Variants in SYT9 observed in about 807,000 individuals in gnomAD.
The protein encoded by SYT9 is synaptotagmin-9.
A neutral mutation model predicts 48.4 loss-of-function variants in SYT9; 22 were observed. The observed-to-expected ratio is 0.45, with a 90% CI of 0.32 to 0.65. The LOEUF is 0.65. Ranked by LOEUF, SYT9 falls within the 30% of genes least tolerant of loss-of-function variation. The pLI, the probability that SYT9 is intolerant of heterozygous loss-of-function variation, is 0.03. For synonymous variants in SYT9, 265 were observed against 245.0 expected (o/e 1.08, Z -0.76); for missense variants, 577 against 622.0 (o/e 0.93, Z 0.77).
chr11:7,342,316 G>A (rs886422941), intron 3 of SYT9, among the ~76,000 whole-genome samples: 4 of 152,118 alleles, frequency 2.6e-5, no homozygotes, highest in African/African-American at 7.2e-5. Context: ...TTCCACCTAT[G>A]AGCCTGTAAA....
At chr11:7,419,903 A>G (rs1164745089) in intron 5 of SYT9, among the ~76,000 whole-genome samples, 1 of 152,218 alleles carries the variant, frequency 6.6e-6, no homozygotes, top group Non-Finnish European at 1.5e-5. Flanking sequence ...TTCAAAAAAA[A>G]AGAAATATTA....
chr11:7,429,683 G>A (rs538226316), intron 6 of SYT9, among the ~76,000 whole-genome samples: 26 of 152,222 alleles, frequency 1.7e-4, no homozygotes, highest in African/African-American at 4.1e-4. Context: ...CAAAGCTGTC[G>A]CGAGATCAGC....
intron 1 of SYT9, among the ~76,000 whole-genome samples, chr11:7,282,372 C>G (rs1347416773): frequency 6.6e-6 from 1 of 152,144 alleles, no homozygotes; most frequent in African/African-American, 2.4e-5. Flanking sequence ...GCATACAAAT[C>G]TCCTAAGGGG....
At chr11:7,459,459 T>C (rs1444827149) in intron 6 of SYT9, among the ~76,000 whole-genome samples, 1 of 152,044 alleles carries the variant, frequency 6.6e-6, no homozygotes, top group African/African-American at 2.4e-5. Flanking sequence ...CCAAGAGGGT[T>C]TGGTATCCTA....
chr11:7,401,494 ATATTTTT>A (rs1846892382), intron 3 of SYT9, among the ~76,000 whole-genome samples: 2 of 151,712 alleles, frequency 1.3e-5, no homozygotes, highest in Admixed American at 6.6e-5. Context: ...TGTAGAACTG[ATATTTTT>A]TCCTTAACGA....
intron 2 of SYT9, among the ~76,000 whole-genome samples, chr11:7,307,091 A>G (rs920256957): frequency 6.6e-6 from 1 of 152,222 alleles, no homozygotes; most frequent in African/African-American, 2.4e-5. Flanking sequence ...CAGGTCTCAC[A>G]TTCATTAAGA....
intron 6 of SYT9, among the ~76,000 whole-genome samples, chr11:7,421,256 T>A (rs1055267865): frequency 2.6e-5 from 4 of 152,202 alleles, no homozygotes; most frequent in Non-Finnish European, 5.9e-5. Context: ...AGTGTGGCTT[T>A]GTTCCTTGAA....
At position 7,242,131 on chromosome 11, in the gene SYT9, G is replaced by C. The variant is rs184673495; in HGVS notation, c.49+3215G>C. 5.0e-3 allele frequency among the ~76,000 whole-genome samples: 755 copies of C among 152,354 alleles called. 6 individuals are homozygous for C. The highest frequency in any genetic ancestry group is 0.017 in the African/African-American group (687 of 41,588). On this transcript the variant is annotated intron_variant and NMD_transcript_variant, in intron 1 of 8. Transcript: ENST00000524820. ...TAATAAATGTCTGCTGTAAATGGAT[G>C]CATAGGCCAGTCTGGAAAGACCACA...
Position 7,252,374 on chromosome 11 carries a change from G to T in SYT9, c.145+43G>T. The stretch of plus-strand genomic sequence containing the variant: ...CGCCTGGAGGGACCTAAGGGCCCTG[G>T]GCTGGGACTTGGGGCCGCACCGGGG... On this transcript the variant is annotated intron_variant, in intron 1 of 6. Transcript: ENST00000318881. This position sits in a 1 kb window ranked among gnomAD's most constrained non-coding sequence, Gnocchi z 6.3. 3 of 1,392,606 alleles carry T rather than the reference G, an allele frequency of 2.2e-6. No homozygotes were observed. The highest frequency in any genetic ancestry group is 3.5e-5 in the Admixed American group (1 of 28,700). The allele number at this position is 1,392,606 out of a possible 1,614,324, so 86.3% of individuals were successfully genotyped here. A position where few individuals can be genotyped will look rare whatever the true frequency, so the allele number is the denominator to read the frequency against.
At chr11:7,415,007 G>T (rs914456612) in intron 3 of SYT9, among the ~76,000 whole-genome samples, 3 of 152,166 alleles carry the variant, frequency 2.0e-5, no homozygotes, top group African/African-American at 7.2e-5. Context: ...CTCCTTTCTG[G>T]TTATACTGTC....
intron 6 of SYT9, among the ~76,000 whole-genome samples, chr11:7,449,322 CAAAAAAAA>C (rs759372659): frequency 1.1e-4 from 5 of 44,770 alleles, no homozygotes; most frequent in South Asian, 1.1e-3. Flanking sequence ...GACTCCACCT[CAAAAAAAA>C]AAAAAAAAAA....
chr11:7,372,068 T>C (rs1256607873), intron 3 of SYT9, among the ~76,000 whole-genome samples: 3 of 152,194 alleles, frequency 2.0e-5, no homozygotes, highest in African/African-American at 7.2e-5. Context: ...TCTATGTTTG[T>C]AAGAAACACA....
At chr11:7,319,684 AAGAC>A (rs1403112374) in intron 3 of SYT9, among the ~76,000 whole-genome samples, 23 of 152,314 alleles carry the variant, frequency 1.5e-4, no homozygotes, top group African/African-American at 5.3e-4. Context: ...AAGCAAGTCT[AAGAC>A]AGGCATGATG....
chr11:7,304,820 C>T (rs1352283790), intron 2 of SYT9, among the ~76,000 whole-genome samples: 2 of 152,192 alleles, frequency 1.3e-5, no homozygotes, highest in African/African-American at 4.8e-5. Context: ...ATGCAATGTG[C>T]AGACTTATAA....
intron 3 of SYT9, among the ~76,000 whole-genome samples, chr11:7,403,564 C>CAG (rs59032816): frequency 0.18 from 27,773 of 150,418 alleles, 3,612 homozygotes; most frequent in African/African-American, 0.38. Context: ...AATAAATAAA[C>CAG]AGAGAGAGAG....
intron 3 of SYT9, among the ~76,000 whole-genome samples, chr11:7,364,832 G>A (rs754746917): frequency 6.6e-6 from 1 of 152,142 alleles, no homozygotes; most frequent in Non-Finnish European, 1.5e-5. Context: ...AGAATTTGGG[G>A]TCAGATTCCT....
At chr11:7,389,719 A>G (rs1054991966) in intron 3 of SYT9, among the ~76,000 whole-genome samples, 5 of 152,198 alleles carry the variant, frequency 3.3e-5, no homozygotes, top group African/African-American at 1.2e-4. Context: ...TCTATCACTA[A>G]GGACCAAGCG....
intron 6 of SYT9, among the ~76,000 whole-genome samples, chr11:7,462,514 A>G (rs1848254303): frequency 6.6e-6 from 1 of 152,238 alleles, no homozygotes; most frequent in African/African-American, 2.4e-5. Flanking sequence ...CTTTACAGAA[A>G]GAAGCTAATC....
At chr11:7,298,535 A>G (rs1047741442) in intron 1 of SYT9, among the ~76,000 whole-genome samples, 6 of 151,646 alleles carry the variant, frequency 4.0e-5, no homozygotes, top group African/African-American at 1.2e-4. Context: ...TTGTCTGTTT[A>G]TGTGTTCTTC....
Sources: allele counts gnomAD v4.1 joint callset (sites outside exome capture counted in the v4.1 genomes callset), GRCh38; gene constraint gnomAD v4.1.1; non-coding constraint Gnocchi (gnomAD v3.1); transcripts MANE v1.5; gene names NCBI Gene and HGNC (gene_info 2026-07-23, HGNC 2026-07-21).